The following SLC12A1 variants were observed in gnomAD, a reference collection of about 807,000 sequenced individuals.
SLC12A1 encodes the protein Na-K-2Cl cotransporter.
SLC12A1 carries 89 observed loss-of-function variants against 130.4 expected under a neutral mutation model. The ratio of observed to expected loss-of-function variants is 0.68; its 90% confidence interval spans 0.58 to 0.81. The LOEUF (loss-of-function observed/expected upper bound fraction) is 0.81, where lower values mean the gene tolerates loss of function less well. Among genes scored for constraint, SLC12A1 ranks in the 40% least tolerant of loss-of-function variants. SLC12A1 has a pLI of 0.00. For missense variants in SLC12A1, 1,310 were observed against 1,336.4 expected (o/e 0.98, Z 0.31); for synonymous variants, 499 against 460.0 (o/e 1.08, Z -1.09).
At chr15:48,227,478 G>A in intron 5 of SLC12A1, 1 of 357,258 alleles carries the variant, frequency 2.8e-6, no homozygotes, top group Non-Finnish European at 5.3e-6. Flanking sequence ...GAGACCCACT[G>A]GCTCTCTCGC....
chr15:48,263,895 G>A (rs962532813), intron 17 of SLC12A1, among the ~76,000 whole-genome samples: 4 of 152,050 alleles, frequency 2.6e-5, no homozygotes, highest in Non-Finnish European at 5.9e-5. Context: ...GTTTTGCCAT[G>A]TTGCCCAGGC....
chr15:48,281,219 C>T (rs550354501), intron 20 of SLC12A1, among the ~76,000 whole-genome samples: 41 of 152,274 alleles, frequency 2.7e-4, no homozygotes, highest in East Asian at 3.9e-4. Context: ...ATAGTACCTA[C>T]GTCACAGATT....
chr15:48,231,339 G>A (rs765897271), intron 7 of SLC12A1, among the ~76,000 whole-genome samples: 2 of 152,074 alleles, frequency 1.3e-5, no homozygotes, highest in Non-Finnish European at 2.9e-5. Flanking sequence ...TAATAAGCAA[G>A]CAAATAAAGA....
intron 20 of SLC12A1, among the ~76,000 whole-genome samples, chr15:48,280,098 ACT>A (rs1340227509): frequency 6.6e-6 from 1 of 150,864 alleles, no homozygotes; most frequent in Admixed American, 6.6e-5. Flanking sequence ...ATAATTAACG[ACT>A]CTCTATCCTT....
intron 1 of SLC12A1, 67 bp from the exon 2 acceptor site, chr15:48,207,467 T>C: frequency 3.4e-6 from 1 of 295,586 alleles, no homozygotes; most frequent in Non-Finnish European, 6.2e-6. Flanking sequence ...TGTTCCCTTA[T>C]ATCCCACCCT....
Position 48,299,010 on chromosome 15 carries a change from T to C in SLC12A1, c.2961-130T>C, listed in dbSNP as rs2141129362. On this transcript the variant is annotated intron_variant, in intron 24 of 26. Transcript: ENST00000380993. ...ACTCACAGTAAATTCCCTGCAAAGATAATTCTTAAAAGATTTGCATGATAT... is the reference window on the plus strand; with the variant it reads ...ACTCACAGTAAATTCCCTGCAAAGACAATTCTTAAAAGATTTGCATGATAT... The C allele has an allele frequency of 1.2e-5, 10 of 811,490 alleles. No individual in the cohort carries two copies. In the South Asian group the frequency reaches 1.8e-4, roughly 15 times the overall value. The allele number at this position is 811,490 out of a possible 1,614,324, so 50.3% of individuals were successfully genotyped here. A position where few individuals can be genotyped will look rare whatever the true frequency, so the allele number is the denominator to read the frequency against.
intron 1 of SLC12A1, among the ~76,000 whole-genome samples, chr15:48,206,969 G>T (rs2040989648): frequency 6.6e-6 from 1 of 152,026 alleles, no homozygotes; most frequent in Non-Finnish European, 1.5e-5. Context: ...ATCTTGATGG[G>T]ATGTATTTTT....
At chr15:48,274,406 G>A (rs1324776882) in intron 19 of SLC12A1, among the ~76,000 whole-genome samples, 165 bp from the exon 20 acceptor site, 1 of 152,052 alleles carries the variant, frequency 6.6e-6, no homozygotes, top group African/African-American at 2.4e-5. Context: ...AACGCATAGG[G>A]GAAGAACAAA....
intron 7 of SLC12A1, among the ~76,000 whole-genome samples, chr15:48,232,088 A>T (rs538174925): frequency 2.1e-4 from 32 of 152,320 alleles, no homozygotes; most frequent in African/African-American, 7.0e-4. Flanking sequence ...ACTAAGACTT[A>T]AAGGATGAAA....
chr15:48,289,264 A>C (rs1001493938), intron 23 of SLC12A1, among the ~76,000 whole-genome samples: 1 of 151,232 alleles, frequency 6.6e-6, no homozygotes, highest in African/African-American at 2.4e-5. Flanking sequence ...CCCTCAGGGC[A>C]CTGAGGGACT....
chr15:48,271,531 C>T (rs1470310141), intron 19 of SLC12A1, among the ~76,000 whole-genome samples: 1 of 125,276 alleles, frequency 8.0e-6, no homozygotes, highest in Non-Finnish European at 1.6e-5. Flanking sequence ...TATATTTATG[C>T]AACATATTAA....
At position 48,289,394 on chromosome 15, in the gene SLC12A1, C is replaced by CAT. The variant is rs10609887; in HGVS notation, c.2873+912_2873+913dup. On this transcript the variant is annotated intron_variant, in intron 23 of 26. Coordinates refer to ENST00000380993, the MANE Select transcript of SLC12A1 (RefSeq NM_000338.3). ...AGGATGTATTATGCTGTGAATGTGACATATATATATATATATATATATATA... is the reference window on the plus strand; with the variant it reads ...AGGATGTATTATGCTGTGAATGTGACATATATATATATATATATATATATATA... Among the ~76,000 whole-genome samples, 296 of 112,838 alleles carry CAT rather than the reference C, an allele frequency of 2.6e-3. 5 individuals carry two copies. The highest frequency in any genetic ancestry group is 8.1e-3 in the African/African-American group (215 of 26,396). 74.0% of individuals were successfully genotyped at this position (112,838 alleles called of 152,430 possible). A position where few individuals can be genotyped will look rare whatever the true frequency, so the allele number is the denominator to read the frequency against.
intron 8 of SLC12A1, among the ~76,000 whole-genome samples, chr15:48,234,576 C>G (rs1339157715): frequency 2.6e-5 from 4 of 152,130 alleles, no homozygotes; most frequent in African/African-American, 4.8e-5. Context: ...AACCCCATCT[C>G]TACTAAAAAT....
chr15:48,302,850 G>C lies in SLC12A1; in HGVS notation c.3265G>C (p.Gly1089Arg). 6.2e-7 allele frequency: 1 copy of C among 1,612,122 alleles called. No individual in the cohort carries two copies. Among genetic ancestry groups the C allele is most frequent in the Non-Finnish European group, 8.5e-7 (1 of 1,178,676 alleles). ...KNLPPVLLVR[G>R]NHKNVLTFYS ...CCTCCCACCTGTCTTACTAGTTAGA[G>C]GAAATCACAAAAATGTCTTGACATT... The change falls in exon 27 of 27, where the codon GGA (glycine) becomes CGA (arginine). Residue 1089 changes from glycine to arginine, a missense_variant. Transcript: ENST00000380993.
chr15:48,281,495 C>A (rs1241950514), intron 20 of SLC12A1, among the ~76,000 whole-genome samples: 1 of 152,152 alleles, frequency 6.6e-6, no homozygotes, highest in African/African-American at 2.4e-5. Flanking sequence ...AACATGCAGA[C>A]TGGGTGTTCC....
intron 9 of SLC12A1, among the ~76,000 whole-genome samples, chr15:48,239,515 A>AAAAT (rs10530478): frequency 0.58 from 83,829 of 143,522 alleles, 28,759 homozygotes; most frequent in Non-Finnish European, 0.76. Context: ...AACCCATCTC[A>AAAAT]AAATAAATAA....
intron 8 of SLC12A1, among the ~76,000 whole-genome samples, chr15:48,234,380 G>A (rs2041414761): frequency 6.6e-6 from 1 of 152,094 alleles, no homozygotes; most frequent in East Asian, 1.9e-4. Context: ...TATATATTTT[G>A]ACTTTTGGCA....
intron 24 of SLC12A1, among the ~76,000 whole-genome samples, chr15:48,298,574 A>G (rs1383130057): frequency 1.3e-5 from 2 of 152,256 alleles, no homozygotes; most frequent in Non-Finnish European, 2.9e-5. Context: ...ATTTGCAGAA[A>G]ACGTCCAAAT....
intron 1 of SLC12A1, among the ~76,000 whole-genome samples, chr15:48,206,555 G>A (rs1181760388): frequency 6.6e-6 from 1 of 152,064 alleles, no homozygotes; most frequent in East Asian, 1.9e-4. Context: ...GCATGAGAGA[G>A]ACAAGTTTTT....
Sources: gnomAD v4.1 joint callset for allele counts (sites outside exome capture counted in the v4.1 genomes callset) on GRCh38, gnomAD v4.1.1 for gene constraint, MANE v1.5 for transcripts, NCBI Gene and HGNC (gene_info 2026-07-23, HGNC 2026-07-21) for gene names.